The following NKD2 variants were observed in gnomAD, a reference collection of about 807,000 sequenced individuals.
NKD2 encodes NKD inhibitor of Wnt signaling pathway 2, also known as protein naked cuticle homolog 2.
NKD2 carries 43 observed loss-of-function variants against 34.8 expected under a neutral mutation model. That is an observed-to-expected ratio of 1.24 (90% CI 0.97 to 1.60). The LOEUF (loss-of-function observed/expected upper bound fraction) is 1.60. NKD2 is among the 40% of genes most tolerant of loss of function. The pLI, the probability that NKD2 is intolerant of heterozygous loss-of-function variation, is 0.00. For synonymous variants in NKD2, 278 were observed against 265.1 expected, an observed-to-expected ratio of 1.05 and a Z score of -0.47; for missense variants, 675 against 627.1, an observed-to-expected ratio of 1.08 and a Z score of -0.82.
chr5:1,009,583 G>C lies in NKD2; in HGVS notation c.141+23G>C. The C allele has an allele frequency of 7.0e-7, 1 of 1,429,546 alleles. No homozygotes were observed. Among genetic ancestry groups the C allele is most frequent in the East Asian group, 2.9e-5 (1 of 34,144 alleles). The allele number at this position is 1,429,546 out of a possible 1,614,324, so 88.6% of individuals were successfully genotyped here. On this transcript the variant is annotated intron_variant, in intron 3 of 9. Coordinates refer to ENST00000296849, the MANE Select transcript of NKD2 (RefSeq NM_033120.4). This position sits in a 1 kb window ranked among gnomAD's most constrained non-coding sequence, Gnocchi z 6.9. ...CAGGTAGGCGGCGGGGCGGAGGCTG[G>C]GGTCGCGCTGCGCACCCGCCCGGGG...
At chr5:1,021,413 ACCCAGCCCCC>A (rs1350896556) in intron 3 of NKD2, among the ~76,000 whole-genome samples, 1 of 118,032 alleles carries the variant, frequency 8.5e-6, no homozygotes, top group Non-Finnish European at 1.7e-5. Flanking sequence ...CCTGCCCCCG[ACCCAGCCCCC>A]CCCAGCCCCT....
At chr5:1,016,164 C>T (rs1401556383) in intron 3 of NKD2, among the ~76,000 whole-genome samples, 7 of 152,272 alleles carry the variant, frequency 4.6e-5, no homozygotes, top group Admixed American at 1.3e-4. Flanking sequence ...GAGGGACACA[C>T]GGTGCTGACC....
intron 3 of NKD2, among the ~76,000 whole-genome samples, chr5:1,018,854 G>A (rs1317347398): frequency 6.6e-6 from 1 of 152,204 alleles, no homozygotes; most frequent in Non-Finnish European, 1.5e-5. Flanking sequence ...TTTGCCTGTC[G>A]TGGGGAGAGA....
intron 9 of NKD2, 122 bp downstream of exon 9, chr5:1,036,506 C>CT: frequency 1.7e-6 from 1 of 602,932 alleles, no homozygotes; most frequent in African/African-American, 2.9e-5. Flanking sequence ...CCCCCCAACC[C>CT]CCCCCACCCC....
intron 4 of NKD2, 130 bp from the exon 5 acceptor site, chr5:1,033,242 G>C (rs530568631): frequency 5.9e-5 from 52 of 888,882 alleles, no homozygotes; most frequent in Non-Finnish European, 8.3e-5. Flanking sequence ...TCCCAAGATC[G>C]GGCTCTCAGC....
intron 9 of NKD2, chr5:1,037,410 C>T: frequency 2.0e-6 from 2 of 981,086 alleles, no homozygotes; most frequent in East Asian, 2.6e-5. Flanking sequence ...GTGAAGGTGG[C>T]AGTCCTGAGT....
intron 3 of NKD2, among the ~76,000 whole-genome samples, chr5:1,011,855 T>C (rs926805714): frequency 2.0e-5 from 3 of 152,252 alleles, no homozygotes; most frequent in Non-Finnish European, 4.4e-5. Flanking sequence ...CCCTGGCGAC[T>C]CTGCGGAGCG....
At chr5:1,019,949 T>A (rs1226071634) in intron 3 of NKD2, among the ~76,000 whole-genome samples, 1 of 152,000 alleles carries the variant, frequency 6.6e-6, no homozygotes, top group African/African-American at 2.4e-5. Flanking sequence ...CTCCTCTGAG[T>A]GGGGCGGTTG....
intron 3 of NKD2, among the ~76,000 whole-genome samples, chr5:1,027,891 A>G (rs993015796): frequency 6.6e-6 from 1 of 152,236 alleles, no homozygotes; most frequent in Non-Finnish European, 1.5e-5. Flanking sequence ...TTCCAGGTTG[A>G]AGGCCACCAG....
At chr5:1,020,641 C>A (rs573650497) in intron 3 of NKD2, among the ~76,000 whole-genome samples, 3 of 150,770 alleles carry the variant, frequency 2.0e-5, no homozygotes, top group African/African-American at 7.3e-5. Flanking sequence ...GTCAAAAAGC[C>A]AGGTCTTGCT....
chr5:1,027,274 T>G (rs1756457228), intron 3 of NKD2, among the ~76,000 whole-genome samples: 1 of 152,146 alleles, frequency 6.6e-6, no homozygotes, highest in Admixed American at 6.5e-5. Flanking sequence ...GGGAGGTGCC[T>G]ATGGATCTAG....
At chr5:1,026,099 G>A (rs1756384844) in intron 3 of NKD2, among the ~76,000 whole-genome samples, 1 of 95,586 alleles carries the variant, frequency 1.0e-5, no homozygotes. Flanking sequence ...CATTGTCCCT[G>A]CTCTTCCCAC....
intron 3 of NKD2, among the ~76,000 whole-genome samples, chr5:1,020,002 T>C (rs1468953780): frequency 1.3e-5 from 2 of 152,166 alleles, no homozygotes; most frequent in Non-Finnish European, 2.9e-5. Context: ...GTCGTGGTTT[T>C]ATTTTGTGTG....
chr5:1,038,303 A>T lies in NKD2; in HGVS notation c.1286A>T (p.Gln429Leu). ...GAGGGCTACGCGGTGCCAGTGATCC[A>T]GCGGCACGAGCACCACCACCACCAC... is the stretch of plus-strand genomic sequence containing the variant. ...AGEGYAVPVI[Q>L]RHEHHHHHEH... The change falls in exon 10 of 10, where the codon CAG becomes CTG. Residue 429 changes from glutamine to leucine, a missense_variant. Transcript: ENST00000296849. The surrounding 1 kb of genome is among the most constrained non-coding windows in gnomAD (Gnocchi z 4.5). 1.3e-6 allele frequency: 2 copies of T among 1,546,218 alleles called. No individual in the cohort carries two copies. Among genetic ancestry groups the T allele is most frequent in the Non-Finnish European group, 8.7e-7 (1 of 1,152,186 alleles).
intron 4 of NKD2, 34 bp from the exon 5 acceptor site, chr5:1,033,338 C>T: frequency 6.4e-7 from 1 of 1,568,940 alleles, no homozygotes; most frequent in East Asian, 2.4e-5. Context: ...CATGTGCCCT[C>T]TGCCAGCCCC....
At chr5:1,034,363 G>T (rs895449942) in intron 6 of NKD2, 33 bp downstream of exon 6, 1 of 1,534,670 alleles carries the variant, frequency 6.5e-7, no homozygotes, top group Non-Finnish European at 9.0e-7. Context: ...CAGGTCCACA[G>T]TAGTAGACAG....
At chr5:1,028,133 C>G (rs559347948) in intron 3 of NKD2, among the ~76,000 whole-genome samples, 1 of 140,972 alleles carries the variant, frequency 7.1e-6, no homozygotes, top group South Asian at 2.2e-4. Context: ...GGGCTGGGAC[C>G]AGGACGGGGG....
intron 3 of NKD2, among the ~76,000 whole-genome samples, chr5:1,014,372 C>T (rs1335192998): frequency 1.3e-5 from 2 of 152,232 alleles, no homozygotes; most frequent in African/African-American, 2.4e-5. Flanking sequence ...GACGCACACG[C>T]GACTCCTGGG....
chr5:1,034,428 C>T, intron 6 of NKD2, 98 bp downstream of exon 6: 1 of 1,002,220 alleles, frequency 1.0e-6, no homozygotes, highest in Middle Eastern at 2.1e-4. Context: ...AGGAGGGGAC[C>T]TGCCTGCTGC....
Sources: allele counts gnomAD v4.1 joint callset (sites outside exome capture counted in the v4.1 genomes callset), GRCh38; gene constraint gnomAD v4.1.1; non-coding constraint Gnocchi (gnomAD v3.1); transcripts MANE v1.5; gene names NCBI Gene and HGNC (gene_info 2026-07-23, HGNC 2026-07-21).